Variants in FNBP1 observed in about 807,000 individuals in gnomAD.
The protein encoded by FNBP1 is formin-binding protein 1.
FNBP1 carries 26 observed loss-of-function variants against 90.6 expected under a neutral mutation model. The ratio of observed to expected loss-of-function variants is 0.29; its 90% CI spans 0.21 to 0.40. The LOEUF is 0.40. Ranked by LOEUF, FNBP1 falls within the 10% of genes least tolerant of loss-of-function variation. FNBP1 has a pLI of 1.00. For missense variants in FNBP1, 635 were observed against 768.0 expected (o/e 0.83, Z 2.05); for synonymous variants, 260 against 265.2 (o/e 0.98, Z 0.19).
chr9:129,943,449 T>C (rs6478930), intron 6 of FNBP1, among the ~76,000 whole-genome samples: 131,870 of 146,228 alleles, frequency 0.9, 59,603 homozygotes, highest in Non-Finnish European at 0.92. Context: ...TGCAGTGGCG[T>C]GATCTTGGCT....
chr9:130,006,628 C>T (rs1240575592), intron 1 of FNBP1, among the ~76,000 whole-genome samples: 1 of 152,066 alleles, frequency 6.6e-6, no homozygotes, highest in Non-Finnish European at 1.5e-5. Flanking sequence ...CATGATGGTG[C>T]CACTGCACTC....
rs919637671 is a variant in FNBP1 at position 129,901,574 on chromosome 9, G to T, written c.1429-1027C>A. Among the ~76,000 whole-genome samples, 4 of 151,926 alleles carry T rather than the reference G, an allele frequency of 2.6e-5. No individual in the cohort carries two copies. The East Asian group carries it at 7.8e-4, about 30-fold the overall frequency. On this transcript the variant is annotated intron_variant, in intron 13 of 16. Coordinates refer to ENST00000446176, the MANE Select transcript of FNBP1 (RefSeq NM_015033.3). ...AATAATAAGAAAAGGACCGTTCTAA[G>T]TTCTAAATGCTCAAATGAACATTAA...
At chr9:130,038,219 G>A (rs992502838) in intron 1 of FNBP1, among the ~76,000 whole-genome samples, 7 of 151,710 alleles carry the variant, frequency 4.6e-5, no homozygotes, top group Non-Finnish European at 7.4e-5. Context: ...GCCGGGCGTG[G>A]TGGCGGGCGC....
chr9:129,938,132 C>T (rs2043762356), intron 6 of FNBP1, among the ~76,000 whole-genome samples: 1 of 152,074 alleles, frequency 6.6e-6, no homozygotes. Context: ...CACTGCACTC[C>T]AGCCTGGGCA....
At chr9:129,954,458 T>C (rs1446858609) in intron 6 of FNBP1, among the ~76,000 whole-genome samples, 2 of 152,012 alleles carry the variant, frequency 1.3e-5, no homozygotes, top group African/African-American at 4.8e-5. Context: ...CAATGAAAAA[T>C]CTTAAATAAA....
Position 130,043,145 on chromosome 9 carries a change from T to G in FNBP1, c.-170A>C. The stretch of plus-strand genomic sequence containing the variant: ...CCGGGGTCTCCTCGGCGGCTCCTCC[T>G]CCCCGCCGCTCCACAGCAAAATGGC... On this transcript the variant is annotated 5_prime_UTR_variant, in exon 1 of 17. Coordinates refer to ENST00000446176, the MANE Select transcript of FNBP1 (RefSeq NM_015033.3). The G allele has an allele frequency of 7.0e-6, 3 of 428,368 alleles. No individual in the cohort carries two copies. Among genetic ancestry groups the G allele is most frequent in the Non-Finnish European group, 1.1e-5 (3 of 264,088 alleles). 26.5% of individuals were successfully genotyped at this position (428,368 alleles called of 1,614,324 possible).
At chr9:130,000,951 G>T (rs930058769) in intron 1 of FNBP1, among the ~76,000 whole-genome samples, 3 of 152,172 alleles carry the variant, frequency 2.0e-5, no homozygotes, top group African/African-American at 7.2e-5. Flanking sequence ...TTAAAAAGAT[G>T]TATCTTCAAG....
intron 10 of FNBP1, among the ~76,000 whole-genome samples, chr9:129,919,912 C>T (rs548166448): frequency 8.5e-5 from 13 of 152,272 alleles, no homozygotes; most frequent in Admixed American, 7.2e-4. Flanking sequence ...CATGGATGTC[C>T]CATGCAAGAT....
In FNBP1 at chr9:129,888,966, G is replaced by T. The variant is rs369756638; in HGVS notation, c.*1573C>A. On this transcript the variant is annotated 3_prime_UTR_variant, in exon 17 of 17. Transcript: ENST00000446176. ...AGCCAAGCAAAGAATAAAGCTGCCC[G>T]ACGTCATCCCCAGGCTTCCGTGGCG... The T allele has an allele frequency of 4.6e-6, 1 of 216,868 alleles. No homozygotes were observed. 13.4% of individuals were successfully genotyped at this position (216,868 alleles called of 1,614,324 possible). A position where few individuals can be genotyped will look rare whatever the true frequency, so the allele number is the denominator to read the frequency against.
Position 129,889,858 on chromosome 9 carries a change from ATG to A in FNBP1, c.*679_*680del. On this transcript the variant is annotated 3_prime_UTR_variant, in exon 17 of 17. Transcript: ENST00000446176. ...ACTGAAAACAGGGCGTCAAACCAAA[ATG>A]TGTGTATGCGCACGCGTGTGTACTG... 4.3e-6 allele frequency: 1 copy of A among 233,040 alleles called. No homozygotes were observed. The highest frequency in any genetic ancestry group is 8.5e-6 in the Non-Finnish European group (1 of 117,840). The allele number at this position is 233,040 out of a possible 1,614,324, so 14.4% of individuals were successfully genotyped here. A position where few individuals can be genotyped will look rare whatever the true frequency, so the allele number is the denominator to read the frequency against.
In FNBP1 at chr9:130,043,011, G is replaced by A. The variant is rs2059981458; in HGVS notation, c.-36C>T. On this transcript the variant is annotated 5_prime_UTR_variant, in exon 1 of 17. Transcript: ENST00000446176. Reference sequence around the variant, plus strand: ...ACGCGAAGGGGCGCTCCGCGCGGCGGGCGCGGCTCTCTGGTCCCCCTCCCC... The same window carrying A: ...ACGCGAAGGGGCGCTCCGCGCGGCGAGCGCGGCTCTCTGGTCCCCCTCCCC... The A allele has an allele frequency of 4.1e-6, 5 of 1,223,744 alleles. No homozygotes were observed. The South Asian group carries it at 2.1e-4, about 50-fold the overall frequency. 75.8% of individuals were successfully genotyped at this position (1,223,744 alleles called of 1,614,324 possible).
chr9:129,923,340 T>C (rs1407283914), intron 10 of FNBP1, among the ~76,000 whole-genome samples: 1 of 151,940 alleles, frequency 6.6e-6, no homozygotes, highest in African/African-American at 2.4e-5. Context: ...CAGCACTTTG[T>C]AAGGCCGAGG....
intron 1 of FNBP1, among the ~76,000 whole-genome samples, chr9:130,033,239 T>C (rs2132204018): frequency 6.6e-6 from 1 of 152,284 alleles, no homozygotes; most frequent in South Asian, 2.1e-4. Context: ...CCATACTTTA[T>C]AGATTGGGAA....
At chr9:129,961,879 C>A (rs902185475) in intron 4 of FNBP1, among the ~76,000 whole-genome samples, 3 of 152,322 alleles carry the variant, frequency 2.0e-5, no homozygotes, top group African/African-American at 7.2e-5. Flanking sequence ...AGCCACCGTG[C>A]CCGGCCCCTA....
chr9:129,967,952 C>T (rs1028357115), intron 4 of FNBP1, among the ~76,000 whole-genome samples: 42 of 151,858 alleles, frequency 2.8e-4, no homozygotes, highest in African/African-American at 9.9e-4. Flanking sequence ...GAGCAATCTT[C>T]CTGCCTCAGC....
chr9:130,015,318 T>C (rs1166682338), intron 1 of FNBP1, among the ~76,000 whole-genome samples: 2 of 152,218 alleles, frequency 1.3e-5, no homozygotes, highest in East Asian at 3.8e-4. Context: ...TCAGAAAGAT[T>C]AATTCAAAAT....
At chr9:129,914,759 A>ATG (rs2039971917) in intron 11 of FNBP1, among the ~76,000 whole-genome samples, 1 of 60,012 alleles carries the variant, frequency 1.7e-5, no homozygotes, top group East Asian at 3.6e-4. Context: ...ACATATGTCT[A>ATG]TATATATATA....
At chr9:129,972,356 A>G (rs1191065326) in intron 4 of FNBP1, among the ~76,000 whole-genome samples, 1 of 151,378 alleles carries the variant, frequency 6.6e-6, no homozygotes, top group Non-Finnish European at 1.5e-5. Flanking sequence ...CTGGTTTCGA[A>G]CTCCTGGTCT....
Position 129,900,349 on chromosome 9 carries a change from C to T in FNBP1, c.1550+77G>A. 1.1e-5 allele frequency: 15 copies of T among 1,408,036 alleles called. No individual in the cohort carries two copies. Among genetic ancestry groups the T allele is most frequent in the Non-Finnish European group, 1.4e-5 (15 of 1,068,504 alleles). The allele number at this position is 1,408,036 out of a possible 1,614,324, so 87.2% of individuals were successfully genotyped here. On this transcript the variant is annotated intron_variant, in intron 14 of 16. Coordinates refer to ENST00000446176, the MANE Select transcript of FNBP1 (RefSeq NM_015033.3). This position sits in a 1 kb window ranked among gnomAD's most constrained non-coding sequence, Gnocchi z 4.1. Reference sequence around the variant, plus strand: ...TTGAACAAGTGCCTTATGGTCATTCCAGATTCCAAAATTTAGAAATAAATA... The same window carrying T: ...TTGAACAAGTGCCTTATGGTCATTCTAGATTCCAAAATTTAGAAATAAATA...
Sources: gnomAD v4.1 joint callset for allele counts (sites outside exome capture counted in the v4.1 genomes callset) on GRCh38, gnomAD v4.1.1 for gene constraint, Gnocchi (gnomAD v3.1) non-coding constraint, MANE v1.5 for transcripts, NCBI Gene and HGNC (gene_info 2026-07-23, HGNC 2026-07-21) for gene names.